Variants in PABPN1L observed in about 807,000 individuals in gnomAD.
The protein encoded by PABPN1L is PABPN1 like, cytoplasmic, also known as embryonic polyadenylate-binding protein 2.
Under a neutral mutation model 34.0 loss-of-function variants are expected in PABPN1L, and 45 were observed. The observed-to-expected ratio is 1.32, with a 90% CI of 1.04 to 1.70. PABPN1L has a LOEUF of 1.70. PABPN1L is among the 40% of genes most tolerant of loss of function. PABPN1L has a pLI of 0.00. For synonymous variants in PABPN1L, 182 were observed against 152.1 expected, an observed-to-expected ratio of 1.20 and a Z score of -1.45; for missense variants, 459 against 367.8, an observed-to-expected ratio of 1.25 and a Z score of -2.03.
upstream of PABPN1L, among the ~76,000 whole-genome samples, chr16:88,866,850 G>T (rs1472190193): frequency 6.6e-6 from 1 of 152,252 alleles, no homozygotes; most frequent in Non-Finnish European, 1.5e-5. Flanking sequence ...GCTGAGTTGA[G>T]TGGGGGTCAC....
At chr16:88,865,155 G>C (rs1453442945) in intron 3 of PABPN1L, 27 bp from the exon 4 acceptor site, 19 of 1,550,644 alleles carry the variant, frequency 1.2e-5, no homozygotes, top group Non-Finnish European at 1.6e-5. Context: ...ACCAGCATGT[G>C]AGGGAGACGC....
At chr16:88,863,389 G>A (rs528441522) in exon 7 of PABPN1L, 10 of 387,500 alleles carry the variant, frequency 2.6e-5, no homozygotes, top group Non-Finnish European at 4.3e-5. Context: ...TAAGACACAC[G>A]TTTCTATTTT....
upstream of PABPN1L, chr16:88,866,724 C>T: frequency 1.5e-6 from 2 of 1,367,858 alleles, no homozygotes; most frequent in East Asian, 5.1e-5. Context: ...GCTGCTCCCA[C>T]TAGAGCATTT....
chr16:88,866,082 G>A (rs957147227), intron 1 of PABPN1L, 141 bp from the exon 2 acceptor site: 1 of 1,362,928 alleles, frequency 7.3e-7, no homozygotes, highest in Non-Finnish European at 9.7e-7. Flanking sequence ...CCTTCCTGGG[G>A]CAGCTGGCTG....
intron 1 of PABPN1L, 98 bp downstream of exon 1, chr16:88,866,254 A>G: frequency 6.8e-7 from 1 of 1,462,016 alleles, no homozygotes; most frequent in Non-Finnish European, 9.1e-7. Context: ...CTCCCCTCCT[A>G]AGTCAGCTGC....
In PABPN1L at chr16:88,865,487, A is replaced by G; in HGVS notation, c.459+76T>C. The stretch of plus-strand genomic sequence containing the variant: ...CCTTCCCAGCAAGGCTGCCTGGCCC[A>G]TGGCCGGGCGCCAGACCCTCTGGTA... On this transcript the variant is annotated intron_variant, in intron 3 of 6. Coordinates refer to ENST00000419291, the Ensembl canonical transcript of PABPN1L. The G allele has an allele frequency of 4.5e-6, 7 of 1,540,958 alleles. No homozygotes were observed. The East Asian group carries it at 1.5e-4, about 32-fold the overall frequency.
At chr16:88,867,020 C>T (rs1053413931), upstream of PABPN1L, among the ~76,000 whole-genome samples, 1 of 152,182 alleles carries the variant, frequency 6.6e-6, no homozygotes, top group Non-Finnish European at 1.5e-5. Context: ...GTACCAGGGA[C>T]CAAGCAGGCT....
At position 88,863,609 on chromosome 16, in the gene PABPN1L, C is replaced by T. The variant is rs545654203; in HGVS notation, c.*147G>A. On this transcript the variant is annotated 3_prime_UTR_variant, in exon 7 of 7. Coordinates refer to ENST00000419291, the Ensembl canonical transcript of PABPN1L. ...ACAAGGCCCTACTGGGCCATCCCCC[C>T]GCCAAGAGGGGGCCAGTGGCTGCTC... The T allele has an allele frequency of 1.6e-4, 173 of 1,059,474 alleles. 1 individual carries two copies. The Middle Eastern group carries it at 4.6e-3, about 28-fold the overall frequency. 65.6% of individuals were successfully genotyped at this position (1,059,474 alleles called of 1,614,324 possible).
At chr16:88,864,885 C>G (rs1307398927) in exon 5 of PABPN1L, 1 of 1,611,514 alleles carries the variant, frequency 6.2e-7, no homozygotes, top group Non-Finnish European at 8.5e-7. Flanking sequence ...AGGCTCTGGT[C>G]CAGCTCCACG....
upstream of PABPN1L, among the ~76,000 whole-genome samples, chr16:88,869,571 C>A (rs927232268): frequency 6.6e-6 from 1 of 152,212 alleles, no homozygotes. Flanking sequence ...GGGTGGAGTG[C>A]GGCCTCAGCC....
At chr16:88,864,347 G>C in exon 6 of PABPN1L, 1 of 1,556,388 alleles carries the variant, frequency 6.4e-7, no homozygotes, top group African/African-American at 1.4e-5. Flanking sequence ...CTGTGGAGCT[G>C]ATCCCAGGGA....
chr16:88,863,336 G>T, exon 7 of PABPN1L: 2 of 277,434 alleles, frequency 7.2e-6, no homozygotes, highest in South Asian at 7.6e-5. Flanking sequence ...GCTGCCATTT[G>T]CTTTTAAAAA....
upstream of PABPN1L, among the ~76,000 whole-genome samples, chr16:88,869,483 T>C (rs1454524954): frequency 6.6e-6 from 1 of 152,224 alleles, no homozygotes; most frequent in Non-Finnish European, 1.5e-5. Context: ...CCAGTGTTGA[T>C]GACTTGGCCA....
upstream of PABPN1L, among the ~76,000 whole-genome samples, chr16:88,867,651 G>A (rs912250057): frequency 2.0e-5 from 3 of 152,102 alleles, no homozygotes; most frequent in East Asian, 3.9e-4. Context: ...GGGGAGTGAC[G>A]GCGTGAGTTA....
chr16:88,868,806 G>A (rs932889134), upstream of PABPN1L, among the ~76,000 whole-genome samples: 6 of 152,280 alleles, frequency 3.9e-5, no homozygotes, highest in South Asian at 2.1e-4. Context: ...AGAGAATTAC[G>A]TAGCCCCACG....
chr16:88,866,192 G>A (rs1418569488), intron 1 of PABPN1L, among the ~76,000 whole-genome samples, 160 bp downstream of exon 1: 1 of 152,222 alleles, frequency 6.6e-6, no homozygotes, highest in African/African-American at 2.4e-5. Flanking sequence ...TGTGTGGCTG[G>A]GGGCGGGGGG....
At chr16:88,863,667 G>A (rs557570780) in exon 7 of PABPN1L, 181 of 1,472,142 alleles carry the variant, frequency 1.2e-4, no homozygotes, top group Non-Finnish European at 1.5e-4. Flanking sequence ...TCGCCCCCGC[G>A]CCACTCCCTG....
chr16:88,865,893 C>A (rs376781736), exon 2 of PABPN1L: 1 of 1,609,576 alleles, frequency 6.2e-7, no homozygotes, highest in Non-Finnish European at 8.5e-7. Flanking sequence ...CGTGGCGTCC[C>A]CTCGGCCTGC....
At chr16:88,865,108 G>A (rs772936445) in exon 4 of PABPN1L, 34 of 1,581,116 alleles carry the variant, frequency 2.2e-5, no homozygotes, top group Middle Eastern at 1.7e-4. Flanking sequence ...CCAGCTCCTC[G>A]GCGGAGCCCC....
Sources: gnomAD v4.1 joint callset for allele counts (sites outside exome capture counted in the v4.1 genomes callset) on GRCh38, gnomAD v4.1.1 for gene constraint, MANE v1.5 for transcripts, NCBI Gene and HGNC (gene_info 2026-07-23, HGNC 2026-07-21) for gene names.